Variants in CAMTA1 observed in about 807,000 individuals in gnomAD.
CAMTA1 encodes calmodulin-binding transcription activator 1.
CAMTA1 carries 27 observed loss-of-function variants against 170.9 expected under a neutral mutation model. The observed-to-expected ratio is 0.16, with a 90% CI of 0.12 to 0.22. The LOEUF is 0.22. CAMTA1 is among the 10% of genes least tolerant of loss of function. The pLI is 1.00. For missense variants in CAMTA1, 1,619 were observed against 2,217.2 expected, an observed-to-expected ratio of 0.73 and a Z score of 5.42; for synonymous variants, 833 against 891.5, an observed-to-expected ratio of 0.93 and a Z score of 1.17.
chr1:7,379,895 C>T (rs957852398), intron 5 of CAMTA1, among the ~76,000 whole-genome samples: 2 of 152,194 alleles, frequency 1.3e-5, no homozygotes, highest in Non-Finnish European at 2.9e-5. Flanking sequence ...GTCTGCCTTG[C>T]GCCATGGAGC....
intron 3 of CAMTA1, among the ~76,000 whole-genome samples, chr1:7,056,966 G>A (rs1004366048): frequency 6.6e-6 from 1 of 152,184 alleles, no homozygotes; most frequent in Non-Finnish European, 1.5e-5. Flanking sequence ...CCGCACTCAT[G>A]GTTCACTGGT....
rs371974876 is a variant in CAMTA1, at chr1:7,482,456, C to G, written c.510+14555C>G. Among the ~76,000 whole-genome samples the G allele has an allele frequency of 1.3e-5, 2 of 152,176 alleles. No individual in the cohort carries two copies. Among genetic ancestry groups the G allele is most frequent in the Non-Finnish European group, 2.9e-5 (2 of 68,028 alleles). On this transcript the variant is annotated intron_variant, in intron 6 of 22. Transcript: ENST00000303635. The surrounding 1 kb of genome is among the most constrained non-coding windows in gnomAD (Gnocchi z 4.2). ...CAAGCGTCAGCACTCGGTAAAGACA[C>G]CAGAATGGATGCGCTCTCCACGCAG...
intron 11 of CAMTA1, among the ~76,000 whole-genome samples, chr1:7,709,166 C>CT (rs1172489871): frequency 5.9e-5 from 9 of 152,094 alleles, no homozygotes; most frequent in Non-Finnish European, 1.0e-4. Flanking sequence ...ATTAATGAAG[C>CT]TTTTTTTCTC....
At chr1:6,941,775 G>A (rs901029143) in intron 3 of CAMTA1, among the ~76,000 whole-genome samples, 1 of 152,240 alleles carries the variant, frequency 6.6e-6, no homozygotes, top group Non-Finnish European at 1.5e-5. Flanking sequence ...AGGCCGTACA[G>A]GTGAGGCCTG....
chr1:6,896,217 A>G (rs1243510597), intron 3 of CAMTA1, among the ~76,000 whole-genome samples: 1 of 152,218 alleles, frequency 6.6e-6, no homozygotes, highest in East Asian at 1.9e-4. Flanking sequence ...GTACTTAAAC[A>G]GAATCAGCCT....
Position 7,634,204 on chromosome 1 carries a change from C to T in CAMTA1, c.511-6196C>T, listed in dbSNP as rs564852358. ...GCACACTCCCACGTGCGCAGGAGAG[C>T]AGGTGGAGGATCAGACTTGGTCATT... On this transcript the variant is annotated intron_variant, in intron 6 of 22. Transcript: ENST00000303635. The surrounding 1 kb of genome is among the most constrained non-coding windows in gnomAD (Gnocchi z 6.2). Among the ~76,000 whole-genome samples, 3 of 152,212 alleles carry T rather than the reference C, an allele frequency of 2.0e-5. No individual in the cohort carries two copies. The highest frequency in any genetic ancestry group is 1.3e-4 in the Admixed American group (2 of 15,290).
At position 7,325,795 on chromosome 1, in the gene CAMTA1, C is replaced by A. The variant is rs1051039385; in HGVS notation, c.438+76169C>A. On this transcript the variant is annotated intron_variant, in intron 5 of 22. Transcript: ENST00000303635. This position sits in a 1 kb window ranked among gnomAD's most constrained non-coding sequence, Gnocchi z 5.0. Reference sequence around the variant, plus strand: ...AAAAATTCAGAGGGGCCACTGGACCCCCAAGTCTGGCATTTCAAGGGCAGA... The same window carrying A: ...AAAAATTCAGAGGGGCCACTGGACCACCAAGTCTGGCATTTCAAGGGCAGA... 6.6e-6 allele frequency among the ~76,000 whole-genome samples: 1 copy of A among 152,138 alleles called. No homozygotes were observed. Among genetic ancestry groups the A allele is most frequent in the Non-Finnish European group, 1.5e-5 (1 of 68,030 alleles).
chr1:6,920,219 T>C (rs956086061), intron 3 of CAMTA1, among the ~76,000 whole-genome samples: 4 of 152,060 alleles, frequency 2.6e-5, no homozygotes, highest in Admixed American at 2.6e-4. Context: ...ATGGGTGAAA[T>C]TGGCCAAAGC....
At position 7,544,654 on chromosome 1, in the gene CAMTA1, C is replaced by T. The variant is rs183939308; in HGVS notation, c.510+76753C>T. ...TGTTGCTATAACATAACACCTGAGG[C>T]TGGGTAATGTAGAAAGAAAAGGGGT... On this transcript the variant is annotated intron_variant, in intron 6 of 22. Coordinates refer to ENST00000303635, the MANE Select transcript of CAMTA1 (RefSeq NM_015215.4). 2.6e-5 allele frequency among the ~76,000 whole-genome samples: 4 copies of T among 152,304 alleles called. No individual in the cohort carries two copies. In the East Asian group the frequency reaches 7.7e-4, roughly 29 times the overall value.
Position 7,325,642 on chromosome 1 carries a change from G to A in CAMTA1, c.438+76016G>A, listed in dbSNP as rs1425142350. Among the ~76,000 whole-genome samples, 2 of 152,176 alleles carry A rather than the reference G, an allele frequency of 1.3e-5. No homozygotes were observed. The highest frequency in any genetic ancestry group is 2.9e-5 in the Non-Finnish European group (2 of 68,032). The stretch of plus-strand genomic sequence containing the variant: ...ATGGGGTAGAGTCAAGCTTTTTTCT[G>A]CATGTTTTTGTCTTGAGCACCTAGA... On this transcript the variant is annotated intron_variant, in intron 5 of 22. Transcript: ENST00000303635. This position sits in a 1 kb window ranked among gnomAD's most constrained non-coding sequence, Gnocchi z 5.0.
At chr1:7,206,572 A>G (rs1365093465) in intron 4 of CAMTA1, among the ~76,000 whole-genome samples, 1 of 152,112 alleles carries the variant, frequency 6.6e-6, no homozygotes, top group Non-Finnish European at 1.5e-5. Context: ...GGATGTTTGT[A>G]ACTCTATTAT....
chr1:6,952,711 G>A (rs187574474), intron 3 of CAMTA1, among the ~76,000 whole-genome samples: 56 of 152,218 alleles, frequency 3.7e-4, no homozygotes, highest in African/African-American at 1.3e-3. Flanking sequence ...ACGGGCATCT[G>A]TAATCCCAGC....
chr1:6,797,336 C>T (rs915952575), intron 1 of CAMTA1, among the ~76,000 whole-genome samples: 2 of 151,768 alleles, frequency 1.3e-5, no homozygotes, highest in Admixed American at 6.6e-5. Flanking sequence ...GCTGGGATGA[C>T]AAGCATGAAC....
intron 3 of CAMTA1, among the ~76,000 whole-genome samples, chr1:7,039,980 A>G (rs1704182891): frequency 6.6e-6 from 1 of 151,872 alleles, no homozygotes; most frequent in Non-Finnish European, 1.5e-5. Flanking sequence ...GAATTCAGGA[A>G]CTTTTAGAGC....
rs935719430 is a variant in CAMTA1 at position 7,325,346 on chromosome 1, C to T, written c.438+75720C>T. ...CAGTTTTCTGTGGAGTGCTCAGGGGCGGCCTTGAATGGAGGCTGGAGGGTG... is the reference window on the plus strand; with the variant it reads ...CAGTTTTCTGTGGAGTGCTCAGGGGTGGCCTTGAATGGAGGCTGGAGGGTG... On this transcript the variant is annotated intron_variant, in intron 5 of 22. Transcript: ENST00000303635. This position sits in a 1 kb window ranked among gnomAD's most constrained non-coding sequence, Gnocchi z 5.0. Among the ~76,000 whole-genome samples, 3 of 152,236 alleles carry T rather than the reference C, an allele frequency of 2.0e-5. No individual in the cohort carries two copies. The highest frequency in any genetic ancestry group is 2.1e-4 in the South Asian group (1 of 4,822).
chr1:6,821,429 TTAAATC>T (rs1232507408), intron 2 of CAMTA1, among the ~76,000 whole-genome samples: 4 of 152,338 alleles, frequency 2.6e-5, no homozygotes, highest in African/African-American at 7.2e-5. Flanking sequence ...ATCCTACTAA[TTAAATC>T]TAAGCACATA....
At chr1:6,917,148 G>C (rs1335496552) in intron 3 of CAMTA1, among the ~76,000 whole-genome samples, 1 of 152,162 alleles carries the variant, frequency 6.6e-6, no homozygotes, top group Non-Finnish European at 1.5e-5. Flanking sequence ...AGAGTGGCAT[G>C]TTCATGACAG....
rs2101461316 is a variant in CAMTA1 at position 7,044,290 on chromosome 1, G to A, written c.235-47014G>A. On this transcript the variant is annotated intron_variant, in intron 3 of 22. Transcript: ENST00000303635. The surrounding 1 kb of genome is among the most constrained non-coding windows in gnomAD (Gnocchi z 5.0). ...GCCAAGGGTCTCACCCAGACTAGAC[G>A]GGAATGGGGGAGACCCAGAGAGACG... Among the ~76,000 whole-genome samples the A allele has an allele frequency of 6.6e-6, 1 of 152,324 alleles. No homozygotes were observed. The highest frequency in any genetic ancestry group is 1.9e-4 in the East Asian group (1 of 5,180).
chr1:7,023,091 C>T (rs558768002), intron 3 of CAMTA1, among the ~76,000 whole-genome samples: 2 of 152,260 alleles, frequency 1.3e-5, no homozygotes. Context: ...AAATTCTTCC[C>T]ATTGGCTCAG....
Sources: gnomAD v4.1 joint callset for allele counts (sites outside exome capture counted in the v4.1 genomes callset) on GRCh38, gnomAD v4.1.1 for gene constraint, Gnocchi (gnomAD v3.1) non-coding constraint, MANE v1.5 for transcripts, NCBI Gene and HGNC (gene_info 2026-07-23, HGNC 2026-07-21) for gene names.